Variants in TUBGCP6 observed in about 807,000 individuals in gnomAD.
TUBGCP6 encodes gamma-tubulin complex component 6.
In TUBGCP6, 161 loss-of-function variants were observed where a neutral mutation model predicts 175.8. The ratio of observed to expected loss-of-function variants is 0.92; its 90% CI spans 0.81 to 1.04. The LOEUF (loss-of-function observed/expected upper bound fraction) is 1.04, where lower values mean the gene tolerates loss of function less well. Ranked by LOEUF, TUBGCP6 falls within the 50% of genes least tolerant of loss-of-function variation. The pLI is 0.00. For synonymous variants in TUBGCP6, 1,173 were observed against 1,030.5 expected (o/e 1.14, Z -2.65); for missense variants, 2,572 against 2,433.0 (o/e 1.06, Z -1.20).
At chr22:50,222,221 G>C in intron 14 of TUBGCP6, 119 bp from the exon 15 acceptor site, 1 of 1,241,532 alleles carries the variant, frequency 8.1e-7, no homozygotes, top group Non-Finnish European at 1.1e-6. Flanking sequence ...GACAAGGCTT[G>C]TGCTGGGCTC....
chr22:50,222,058 C>A lies in TUBGCP6; in HGVS notation c.2454G>T (p.Pro818=). The change falls in exon 15 of 25, where the codon CCG becomes CCT. Residue 818 remains proline, a synonymous_variant. Transcript: ENST00000248846. ...GGTGCACGCTCAAGAGGACGTCTGGCGGCTCCTGGGGCTGGTGAGCCTCAG... is the reference window on the plus strand; with the variant it reads ...GGTGCACGCTCAAGAGGACGTCTGGAGGCTCCTGGGGCTGGTGAGCCTCAG... ...AVSEAHQPQE[P]PDVLLSVHPQ... is the part of the protein sequence containing the mutation. The A allele has an allele frequency of 6.2e-7, 1 of 1,613,834 alleles. No homozygotes were observed.
rs984199730 is a variant in TUBGCP6, at chr22:50,244,720, C to G, written c.-261G>C. The G allele has an allele frequency of 8.2e-5, 43 of 523,826 alleles. No homozygotes were observed. Among genetic ancestry groups the G allele is most frequent in the African/African-American group, 7.3e-4 (38 of 52,336 alleles). The allele number at this position is 523,826 out of a possible 1,614,324, so 32.4% of individuals were successfully genotyped here. ...ACCAGAAGCCAGCTCGGCGTTTCTT[C>G]TAATTCAGTAGCCCTCAACCTTTAG... is the stretch of plus-strand genomic sequence containing the variant. On this transcript the variant is annotated 5_prime_UTR_variant, in exon 1 of 25. Transcript: ENST00000248846.
chr22:50,234,517 GCATCCACACCCAGTTCCACAGCAGCAT>G (rs1298348613), intron 2 of TUBGCP6, among the ~76,000 whole-genome samples: 6 of 136,288 alleles, frequency 4.4e-5, no homozygotes, highest in African/African-American at 1.4e-4. Context: ...GTCCACAGCA[GCATCCACACCCAGTTCCACAGCAGCAT>G]CATCCACACC....
In TUBGCP6 at chr22:50,219,285, C is replaced by T. The variant is rs1239440510; in HGVS notation, c.4484+3G>A. 2 of 1,604,086 alleles carry T rather than the reference C, an allele frequency of 1.2e-6. No individual in the cohort carries two copies. The highest frequency in any genetic ancestry group is 1.3e-5 in the African/African-American group (1 of 74,836). On this transcript the variant is annotated splice_donor_region_variant and intron_variant, in intron 19 of 24. Transcript: ENST00000248846. ...AGACTGGCGCAGGGGCAGGGGCACT[C>T]ACTGGGCGGCCAGCGGTGCCGTGAT...
rs200578591 is a variant in TUBGCP6 at position 50,229,439 on chromosome 22, G to C, written c.1255C>G (p.Leu419Val). The C allele has an allele frequency of 1.2e-6, 2 of 1,613,612 alleles. No individual in the cohort carries two copies. Among genetic ancestry groups the C allele is most frequent in the East Asian group, 4.5e-5 (2 of 44,880 alleles). The change falls in exon 4 of 25, where the codon CTG becomes GTG. Residue 419 changes from leucine (L) to valine (V), a missense_variant. Physicochemically the swap from Leu to Val is conservative, Grantham distance 32. Transcript: ENST00000248846. The stretch of plus-strand genomic sequence containing the variant: ...AGGCCCTTGCTGTACAAAGAGTCCA[G>C]GACGGGCTGCAGAGAGAAATGACTC... ...RLSHFSLQPV[L>V]DSLYSKGLVF...
Position 50,221,515 on chromosome 22 carries a change from T to C in TUBGCP6, c.2844A>G (p.Pro948=), listed in dbSNP as rs1443569877. ...GGACAGTACTAAAGTCGTACTCCTG[T>C]GGCCTGGAGGGCTGAGTGCTGGCTG... ...PAAASTQPSR[P]QEYDFSTVLR... Residue 948 remains proline (P), a synonymous_variant, in exon 16 of 25, where the codon CCA becomes CCG. Coordinates refer to ENST00000248846, the MANE Select transcript of TUBGCP6 (RefSeq NM_020461.4). 2 of 1,584,574 alleles carry C rather than the reference T, an allele frequency of 1.3e-6. No homozygotes were observed. Among genetic ancestry groups the C allele is most frequent in the Middle Eastern group, 3.5e-4 (2 of 5,662 alleles).
chr22:50,219,932 GA>G, intron 17 of TUBGCP6, 24 bp downstream of exon 17: 1 of 1,613,574 alleles, frequency 6.2e-7, no homozygotes. Flanking sequence ...CCTGCTGTGG[GA>G]CCCCCAGGCT....
chr22:50,226,657 T>C, intron 7 of TUBGCP6, 76 bp downstream of exon 7: 1 of 1,272,258 alleles, frequency 7.9e-7, no homozygotes, highest in Non-Finnish European at 1.1e-6. Context: ...TCAGCAGGTG[T>C]CTGACAAGGG....
Position 50,217,715 on chromosome 22 carries a change from C to T in TUBGCP6, c.*21G>A. 6.2e-7 allele frequency: 1 copy of T among 1,610,364 alleles called. No homozygotes were observed. On this transcript the variant is annotated 3_prime_UTR_variant, in exon 25 of 25. Coordinates refer to ENST00000248846, the MANE Select transcript of TUBGCP6 (RefSeq NM_020461.4). ...AGGGTCCGAGAACACCTTTATTGTG[C>T]ACGTCCCCCGCAGAGCAGCCTCAGG... is the stretch of plus-strand genomic sequence containing the variant.
chr22:50,218,269 GAA>G lies in TUBGCP6; in HGVS notation c.5086_5087del (p.Phe1696GlnfsTer134). On this transcript the variant is annotated frameshift_variant, in exon 23 of 25. Coordinates refer to ENST00000248846, the MANE Select transcript of TUBGCP6 (RefSeq NM_020461.4). LOFTEE classifies it high-confidence loss of function. ...NQILHVTWCE[F>X]RARLATVGDL... ...CGCCCACGGTGGCCAACCTGGCCCT[GAA>G]CTCGCACCAGGTGACGTGCAGGATC... 6.2e-7 allele frequency: 1 copy of G among 1,613,122 alleles called. No homozygotes were observed. The highest frequency in any genetic ancestry group is 8.5e-7 in the Non-Finnish European group (1 of 1,179,984).
chr22:50,229,648 C>T, intron 3 of TUBGCP6, 71 bp from the exon 4 acceptor site: 1 of 1,488,460 alleles, frequency 6.7e-7, no homozygotes, highest in Non-Finnish European at 9.0e-7. Flanking sequence ...CCGTCTCCCT[C>T]CACCCTTGCA....
At chr22:50,232,851 T>C (rs889821934) in intron 3 of TUBGCP6, among the ~76,000 whole-genome samples, 5 of 152,220 alleles carry the variant, frequency 3.3e-5, no homozygotes, top group Non-Finnish European at 7.3e-5. Context: ...ACTTCTCCAG[T>C]GCCCAGCAAG....
At chr22:50,220,073 G>C (rs990578676) in intron 16 of TUBGCP6, 58 bp from the exon 17 acceptor site, 8 of 1,574,496 alleles carry the variant, frequency 5.1e-6, no homozygotes, top group Non-Finnish European at 6.9e-6. Context: ...GGCGGGTACA[G>C]AGCCGAGCCG....
intron 10 of TUBGCP6, 123 bp from the exon 11 acceptor site, chr22:50,224,715 T>A: frequency 1.1e-6 from 1 of 916,340 alleles, no homozygotes; most frequent in Non-Finnish European, 1.7e-6. Flanking sequence ...AAGACCAGCC[T>A]GGACAACATA....
chr22:50,219,872 G>C (rs540758340), intron 17 of TUBGCP6, 81 bp from the exon 18 acceptor site: 5 of 1,602,982 alleles, frequency 3.1e-6, no homozygotes, highest in East Asian at 2.2e-5. Flanking sequence ...AAGGAAAATC[G>C]CATGTGGGAC....
chr22:50,231,909 A>T (rs1315727535), intron 3 of TUBGCP6, among the ~76,000 whole-genome samples: 1 of 151,472 alleles, frequency 6.6e-6, no homozygotes, highest in Admixed American at 6.6e-5. Flanking sequence ...GAAAAAAATC[A>T]AGTTACTAAA....
In TUBGCP6 at chr22:50,218,200, C is replaced by T. The variant is rs369243194; in HGVS notation, c.5157G>A (p.Lys1719=). Residue 1719 remains lysine (K), a synonymous_variant, in exon 23 of 25, where the codon AAG becomes AAA. Coordinates refer to ENST00000248846, the MANE Select transcript of TUBGCP6 (RefSeq NM_020461.4). ...TGCCCAGGCCTCACCTGAAGACGGC[C>T]TTGTGCAGGTACTCTGCGTGCGCAC... The part of the protein sequence containing the change: ...IQRAHAEYLH[K]AVFRGLLTEK... The T allele has an allele frequency of 1.4e-5, 22 of 1,611,928 alleles. No homozygotes were observed. The highest frequency in any genetic ancestry group is 1.8e-5 in the Non-Finnish European group (21 of 1,179,826).
At chr22:50,226,251 G>A (rs753704383) in intron 8 of TUBGCP6, 36 bp downstream of exon 8, 2 of 1,613,968 alleles carry the variant, frequency 1.2e-6, no homozygotes, top group East Asian at 4.5e-5. Flanking sequence ...AGGCCCACAG[G>A]CACGGACCCC....
chr22:50,241,551 T>C (rs1437115187), intron 1 of TUBGCP6, among the ~76,000 whole-genome samples: 1 of 152,180 alleles, frequency 6.6e-6, no homozygotes. Flanking sequence ...ACACTCCTAG[T>C]CCACTTTCAT....
Sources: gnomAD v4.1 joint callset for allele counts (sites outside exome capture counted in the v4.1 genomes callset) on GRCh38, gnomAD v4.1.1 for gene constraint, MANE v1.5 for transcripts, NCBI Gene and HGNC (gene_info 2026-07-23, HGNC 2026-07-21) for gene names.